The following APP variants were observed in gnomAD, a reference collection of about 807,000 sequenced individuals.
The protein encoded by APP is amyloid beta precursor protein, also known as amyloid-beta precursor protein.
APP carries 31 observed loss-of-function variants against 101.4 expected under a neutral mutation model. That is an observed-to-expected ratio of 0.31 (90% CI 0.23 to 0.41). The LOEUF (loss-of-function observed/expected upper bound fraction) is 0.41, where lower values mean the gene tolerates loss of function less well. APP is among the 10% of genes least tolerant of loss of function. The pLI is 1.00. For synonymous variants in APP, 366 were observed against 364.4 expected, an observed-to-expected ratio of 1.00 and a Z score of -0.05; for missense variants, 839 against 1,003.7, an observed-to-expected ratio of 0.84 and a Z score of 2.22.
At chr21:26,098,362 G>A (rs991173532) in intron 2 of APP, among the ~76,000 whole-genome samples, 1 of 151,858 alleles carries the variant, frequency 6.6e-6, no homozygotes. Flanking sequence ...ATTGATCTCA[G>A]ACAAGATGAC....
At chr21:26,156,112 C>A (rs1248458354) in intron 1 of APP, among the ~76,000 whole-genome samples, 2 of 151,802 alleles carry the variant, frequency 1.3e-5, no homozygotes, top group African/African-American at 4.8e-5. Context: ...TATGCAGGCA[C>A]TTGTGGCCTT....
chr21:26,002,483 A>G (rs1357872007), intron 6 of APP, among the ~76,000 whole-genome samples: 1 of 152,224 alleles, frequency 6.6e-6, no homozygotes, highest in Non-Finnish European at 1.5e-5. Context: ...CCTTCTCTGT[A>G]TCTCCTTCAC....
chr21:25,894,462 C>G (rs2037899870), intron 16 of APP, among the ~76,000 whole-genome samples: 1 of 152,158 alleles, frequency 6.6e-6, no homozygotes, highest in Non-Finnish European at 1.5e-5. Flanking sequence ...CATGGGAGAT[C>G]AAAACATCAG....
At chr21:26,060,889 G>A (rs1413730694) in intron 3 of APP, among the ~76,000 whole-genome samples, 1 of 152,190 alleles carries the variant, frequency 6.6e-6, no homozygotes, top group African/African-American at 2.4e-5. Flanking sequence ...GCAAGCGAGT[G>A]AGTGACAGCC....
rs761998535 is a variant in APP, at chr21:25,976,034, A to C, written c.1225-6T>G. On this transcript the variant is annotated splice_region_variant and splice_polypyrimidine_tract_variant and intron_variant, in intron 9 of 17. Coordinates refer to ENST00000346798, the MANE Select transcript of APP (RefSeq NM_000484.4). Reference sequence around the variant, plus strand: ...TCTTCCCATTCTCTCATGACCTATAAATTAAGGAAACATTTGAATTTAAAA... The same window carrying C: ...TCTTCCCATTCTCTCATGACCTATACATTAAGGAAACATTTGAATTTAAAA... The C allele has an allele frequency of 6.2e-7, 1 of 1,609,720 alleles. No individual in the cohort carries two copies. Among genetic ancestry groups the C allele is most frequent in the South Asian group, 1.1e-5 (1 of 91,026 alleles).
At chr21:26,077,039 G>A (rs11701307) in intron 3 of APP, among the ~76,000 whole-genome samples, 24,089 of 149,648 alleles carry the variant, frequency 0.16, 2,495 homozygotes, top group Non-Finnish European at 0.24. Context: ...CTCCAGCCTG[G>A]GCGACAGAGT....
intron 6 of APP, among the ~76,000 whole-genome samples, chr21:26,001,602 G>T (rs2043298036): frequency 6.6e-6 from 1 of 152,214 alleles, no homozygotes; most frequent in Admixed American, 6.5e-5. Flanking sequence ...GAGTTCAAGT[G>T]ATTCTTGCGC....
chr21:26,111,087 T>TAAAAAAAAAA (rs576900084), intron 2 of APP, among the ~76,000 whole-genome samples: 2 of 88,478 alleles, frequency 2.3e-5, no homozygotes, highest in Non-Finnish European at 4.4e-5. Context: ...AAAGTTAAGT[T>TAAAAAAAAAA]AAAAAAAAAA....
At chr21:26,111,867 C>A in intron 2 of APP, 112 bp downstream of exon 2, 1 of 1,148,286 alleles carries the variant, frequency 8.7e-7, no homozygotes. Context: ...CATTAGGAAC[C>A]AAGATTTTTA....
At chr21:26,032,408 C>G (rs1432505754) in intron 5 of APP, among the ~76,000 whole-genome samples, 1 of 152,024 alleles carries the variant, frequency 6.6e-6, no homozygotes, top group African/African-American at 2.4e-5. Context: ...TATGTAGATC[C>G]TAGAGAGAAG....
At chr21:26,096,823 G>A (rs894976906) in intron 2 of APP, among the ~76,000 whole-genome samples, 6 of 151,944 alleles carry the variant, frequency 3.9e-5, no homozygotes, top group Non-Finnish European at 5.9e-5. Context: ...ACAAAGAAAA[G>A]CCCCCAAAAA....
At chr21:26,100,835 G>T (rs942304507) in intron 2 of APP, among the ~76,000 whole-genome samples, 11 of 152,154 alleles carry the variant, frequency 7.2e-5, no homozygotes, top group African/African-American at 2.4e-4. Flanking sequence ...AGGAAAAAGA[G>T]AAAATACCCA....
At chr21:26,035,662 T>C (rs2045072678) in intron 5 of APP, among the ~76,000 whole-genome samples, 1 of 152,192 alleles carries the variant, frequency 6.6e-6, no homozygotes, top group Admixed American at 6.6e-5. Context: ...ATTTGGGGGT[T>C]CCAGGATCTG....
At chr21:26,165,035 C>A (rs906658322) in intron 1 of APP, among the ~76,000 whole-genome samples, 1 of 152,086 alleles carries the variant, frequency 6.6e-6, no homozygotes, top group African/African-American at 2.4e-5. Context: ...ATACACAATA[C>A]ATATTTAATA....
intron 13 of APP, among the ~76,000 whole-genome samples, chr21:25,951,087 G>A (rs1055650294): frequency 2.0e-5 from 3 of 152,014 alleles, no homozygotes; most frequent in African/African-American, 7.3e-5. Context: ...GAAGTTAGTG[G>A]GAAAGTAGCA....
intron 2 of APP, among the ~76,000 whole-genome samples, chr21:26,097,537 C>T (rs1351057274): frequency 8.0e-6 from 1 of 125,608 alleles, no homozygotes; most frequent in Non-Finnish European, 1.6e-5. Context: ...TATCTCAATG[C>T]CTTTCAATAT....
At chr21:25,995,350 T>C (rs1231809081) in intron 8 of APP, among the ~76,000 whole-genome samples, 3 of 152,204 alleles carry the variant, frequency 2.0e-5, no homozygotes, top group Admixed American at 6.5e-5. Flanking sequence ...TTTCACTGTT[T>C]TCTGTATTCT....
In APP at chr21:26,000,321, C is replaced by G. The variant is rs2043239257; in HGVS notation, c.866-139G>C. On this transcript the variant is annotated intron_variant, in intron 6 of 17. Transcript: ENST00000346798. ...TTAGGCAGCATCTACCAAACATTTA[C>G]TGAGGAATTTAACTGGCCACCAGGA... The G allele has an allele frequency of 2.7e-6, 3 of 1,091,912 alleles. No individual in the cohort carries two copies. The African/African-American group carries it at 4.6e-5, about 17-fold the overall frequency. The allele number at this position is 1,091,912 out of a possible 1,614,324, so 67.6% of individuals were successfully genotyped here. A position where few individuals can be genotyped will look rare whatever the true frequency, so the allele number is the denominator to read the frequency against.
intron 3 of APP, among the ~76,000 whole-genome samples, chr21:26,062,688 A>ATAAG (rs1448964031): frequency 1.3e-5 from 2 of 151,430 alleles, no homozygotes; most frequent in East Asian, 3.9e-4. Context: ...AAATAAATAA[A>ATAAG]TAAATATTTG....
Sources: gnomAD v4.1 joint callset for allele counts (sites outside exome capture counted in the v4.1 genomes callset) on GRCh38, gnomAD v4.1.1 for gene constraint, MANE v1.5 for transcripts, NCBI Gene and HGNC (gene_info 2026-07-23, HGNC 2026-07-21) for gene names.